IQGAP2: variants seen among roughly 807,000 people sequenced by gnomAD.
IQGAP2 encodes the protein ras GTPase-activating-like protein IQGAP2.
A neutral mutation model predicts 201.3 loss-of-function variants in IQGAP2; 173 were observed. The ratio of observed to expected loss-of-function variants is 0.86; its 90% CI spans 0.76 to 0.98. The LOEUF (loss-of-function observed/expected upper bound fraction) is 0.98, where lower values mean the gene tolerates loss of function less well. IQGAP2 is among the 50% of genes least tolerant of loss of function. The pLI, the probability that IQGAP2 is intolerant of heterozygous loss-of-function variation, is 0.00. For synonymous variants in IQGAP2, 675 were observed against 673.9 expected (o/e 1.00, Z -0.03); for missense variants, 1,687 against 1,864.8 (o/e 0.90, Z 1.76).
chr5:76,597,541 A>G lies in IQGAP2; in HGVS notation c.1010A>G (p.Tyr337Cys), dbSNP rs759039553. 3 of 1,614,026 alleles carry G rather than the reference A, an allele frequency of 1.9e-6. No individual in the cohort carries two copies. Among genetic ancestry groups the G allele is most frequent in the Non-Finnish European group, 2.5e-6 (3 of 1,179,974 alleles). ...CCAGAGGCCCAGCTGCCTGCTGTTT[A>G]TCCCTTTGCTGCTGCCATGTATCAG... ...KKPEAQLPAVYPFAAAMYQNE... is the reference protein window; with the variant it reads ...KKPEAQLPAVCPFAAAMYQNE... Residue 337 changes from tyrosine (Y) to cysteine (C), a missense_variant, in exon 10 of 36, where the codon TAT (tyrosine) becomes TGT (cysteine). Physicochemically the swap from Tyr to Cys is radical, Grantham distance 194. Coordinates refer to ENST00000274364, the MANE Select transcript of IQGAP2 (RefSeq NM_006633.5).
chr5:76,654,849 C>A, intron 19 of IQGAP2, 85 bp from the exon 20 acceptor site: 1 of 815,818 alleles, frequency 1.2e-6, no homozygotes, highest in Non-Finnish European at 2.1e-6. Flanking sequence ...TTCTTAAATA[C>A]TGACAGTTCT....
In IQGAP2 at chr5:76,495,729, G is replaced by A. The variant is rs1464178667; in HGVS notation, c.146+34060G>A. On this transcript the variant is annotated intron_variant, in intron 2 of 35. Transcript: ENST00000274364. ...TTACAATCATGGCGGAAGGTGAAGA[G>A]GTAGCCTGTGTACCACATGGCAGGA... Among the ~76,000 whole-genome samples, 4 of 152,206 alleles carry A rather than the reference G, an allele frequency of 2.6e-5. No homozygotes were observed. In the East Asian group the frequency reaches 5.8e-4, roughly 22 times the overall value.
intron 32 of IQGAP2, among the ~76,000 whole-genome samples, chr5:76,695,987 C>G (rs566963601): frequency 6.6e-6 from 1 of 151,880 alleles, no homozygotes; most frequent in South Asian, 2.1e-4. Context: ...ACTACAGGCA[C>G]GCACCACCAC....
intron 2 of IQGAP2, among the ~76,000 whole-genome samples, chr5:76,514,666 G>A (rs929562007): frequency 3.9e-5 from 6 of 152,208 alleles, no homozygotes; most frequent in Non-Finnish European, 5.9e-5. Flanking sequence ...ATTGAAATCA[G>A]AAGTGACCTC....
At chr5:76,513,054 C>G (rs6897773) in intron 2 of IQGAP2, among the ~76,000 whole-genome samples, 30,793 of 107,946 alleles carry the variant, frequency 0.29, 3,845 homozygotes, top group African/African-American at 0.49. Context: ...GAGTCTGTCT[C>G]AAAAAGAAAA....
intron 2 of IQGAP2, among the ~76,000 whole-genome samples, chr5:76,559,631 C>T (rs1744196355): frequency 6.6e-6 from 1 of 152,268 alleles, no homozygotes; most frequent in Middle Eastern, 3.4e-3. Context: ...CCCCAGCTTC[C>T]GGTTCTCTCC....
chr5:76,472,609 G>A lies in IQGAP2; in HGVS notation c.146+10940G>A, dbSNP rs144316452. Among the ~76,000 whole-genome samples, 292 of 152,286 alleles carry A rather than the reference G, an allele frequency of 1.9e-3. 2 individuals are homozygous for A. The highest frequency in any genetic ancestry group is 6.5e-3 in the African/African-American group (272 of 41,560). ...TTCTCTGTCTGCCAAGCCTAGGCTT[G>A]GGCATATAGTAGGTGGAAAAAGTTC... On this transcript the variant is annotated intron_variant, in intron 2 of 35. Transcript: ENST00000274364.
At chr5:76,666,487 T>C (rs377064486) in intron 22 of IQGAP2, among the ~76,000 whole-genome samples, 1 of 152,224 alleles carries the variant, frequency 6.6e-6, no homozygotes, top group African/African-American at 2.4e-5. Context: ...GTTTATTATA[T>C]AGGTGGAGGC....
intron 17 of IQGAP2, among the ~76,000 whole-genome samples, chr5:76,647,053 G>T (rs1752099356): frequency 6.6e-6 from 1 of 151,992 alleles, no homozygotes; most frequent in East Asian, 1.9e-4. Flanking sequence ...TTTTGTCAAG[G>T]AATAGATTCA....
At chr5:76,434,216 TG>T (rs1162801897) in intron 1 of IQGAP2, among the ~76,000 whole-genome samples, 3 of 152,174 alleles carry the variant, frequency 2.0e-5, no homozygotes, top group African/African-American at 7.2e-5. Flanking sequence ...TCAATAGCTT[TG>T]GGGGTACAAG....
intron 21 of IQGAP2, 75 bp downstream of exon 21, chr5:76,658,742 A>G (rs1273008083): frequency 6.5e-6 from 8 of 1,238,392 alleles, no homozygotes; most frequent in Non-Finnish European, 9.4e-6. Context: ...TCACTTAATG[A>G]CAGGGATACA....
At chr5:76,667,516 A>G (rs1743888742) in intron 22 of IQGAP2, among the ~76,000 whole-genome samples, 1 of 152,184 alleles carries the variant, frequency 6.6e-6, no homozygotes, top group African/African-American at 2.4e-5. Flanking sequence ...TTGAACTTCT[A>G]CCTGGTAGGT....
At chr5:76,667,143 A>G (rs951575363) in intron 22 of IQGAP2, among the ~76,000 whole-genome samples, 11 of 149,998 alleles carry the variant, frequency 7.3e-5, no homozygotes, top group African/African-American at 2.7e-4. Context: ...ATTTTTAGGT[A>G]ACCTTAGGAG....
At chr5:76,536,800 G>C (rs1759652742) in intron 2 of IQGAP2, among the ~76,000 whole-genome samples, 1 of 152,002 alleles carries the variant, frequency 6.6e-6, no homozygotes, top group Admixed American at 6.6e-5. Context: ...ATGGCTTTTG[G>C]CTTTTTATCT....
At chr5:76,586,438 T>C (rs1746251389) in intron 5 of IQGAP2, among the ~76,000 whole-genome samples, 1 of 152,190 alleles carries the variant, frequency 6.6e-6, no homozygotes, top group Non-Finnish European at 1.5e-5. Flanking sequence ...AAAAATTCTT[T>C]AAAATTCGAA....
chr5:76,467,230 G>A (rs897005860), intron 2 of IQGAP2, among the ~76,000 whole-genome samples: 13 of 152,086 alleles, frequency 8.5e-5, no homozygotes, highest in African/African-American at 3.1e-4. Context: ...CTCTAACCTG[G>A]GTGACAGAGC....
intron 2 of IQGAP2, among the ~76,000 whole-genome samples, chr5:76,489,436 T>C (rs144240408): frequency 6.6e-6 from 1 of 152,240 alleles, no homozygotes; most frequent in African/African-American, 2.4e-5. Context: ...TGACCTCTTC[T>C]ACATGCAGTC....
rs534908174 is a variant in IQGAP2 at position 76,534,684 on chromosome 5, C to T, written c.147-27712C>T. Among the ~76,000 whole-genome samples, 8 of 152,278 alleles carry T rather than the reference C, an allele frequency of 5.3e-5. No homozygotes were observed. In the East Asian group the frequency reaches 7.7e-4, roughly 15 times the overall value. On this transcript the variant is annotated intron_variant, in intron 2 of 35. Transcript: ENST00000274364. Reference sequence around the variant, plus strand: ...GGATCAGTGAAGGTCATGAAGATGCCTTTAAGGCCTGATTAACCTGATTTG... The same window carrying T: ...GGATCAGTGAAGGTCATGAAGATGCTTTTAAGGCCTGATTAACCTGATTTG...
chr5:76,457,346 T>C (rs1020098387), intron 1 of IQGAP2, among the ~76,000 whole-genome samples: 1 of 152,194 alleles, frequency 6.6e-6, no homozygotes, highest in African/African-American at 2.4e-5. Flanking sequence ...AATAATACCC[T>C]ATTACAGAAC....
Sources: allele counts gnomAD v4.1 joint callset (sites outside exome capture counted in the v4.1 genomes callset), GRCh38; gene constraint gnomAD v4.1.1; transcripts MANE v1.5; gene names NCBI Gene and HGNC (gene_info 2026-07-23, HGNC 2026-07-21).